KCNIP4: variants seen among roughly 807,000 people sequenced by gnomAD.
KCNIP4 encodes potassium voltage-gated channel interacting protein 4.
In KCNIP4, 12 loss-of-function variants were observed where a neutral mutation model predicts 34.0. The ratio of observed to expected loss-of-function variants is 0.35; its 90% CI spans 0.23 to 0.57. The LOEUF (loss-of-function observed/expected upper bound fraction) is 0.57, where lower values mean the gene tolerates loss of function less well. Ranked by LOEUF, KCNIP4 falls within the 20% of genes least tolerant of loss-of-function variation. KCNIP4 has a pLI of 0.83. For missense variants in KCNIP4, 238 were observed against 311.7 expected, an observed-to-expected ratio of 0.76 and a Z score of 1.78; for synonymous variants, 124 against 102.2, an observed-to-expected ratio of 1.21 and a Z score of -1.29.
chr4:21,445,123 G>A (rs1050559776), intron 1 of KCNIP4, among the ~76,000 whole-genome samples: 24 of 152,308 alleles, frequency 1.6e-4, no homozygotes, highest in African/African-American at 5.8e-4. Context: ...TGAAATAAAA[G>A]AGGATACAAA....
At chr4:21,348,779 CTT>C (rs1032592263) in intron 1 of KCNIP4, among the ~76,000 whole-genome samples, 3 of 152,150 alleles carry the variant, frequency 2.0e-5, no homozygotes, top group Admixed American at 1.3e-4. Flanking sequence ...ATCCTAGAGA[CTT>C]TTACCATCTG....
At chr4:21,748,224 T>G (rs996909026) in intron 1 of KCNIP4, among the ~76,000 whole-genome samples, 1 of 152,056 alleles carries the variant, frequency 6.6e-6, no homozygotes, top group Non-Finnish European at 1.5e-5. Context: ...GGCAGAAGGG[T>G]GTGGTGGAAA....
At chr4:20,745,462 A>G (rs1020091166) in intron 5 of KCNIP4, among the ~76,000 whole-genome samples, 3 of 152,202 alleles carry the variant, frequency 2.0e-5, no homozygotes, top group Non-Finnish European at 2.9e-5. Context: ...AATGTGGCTT[A>G]TAAGACTTTT....
rs578136947 is a variant in KCNIP4 at position 21,812,135 on chromosome 4, G to A, written c.61+136436C>T. 2.0e-4 allele frequency among the ~76,000 whole-genome samples: 31 copies of A among 152,158 alleles called. No individual in the cohort carries two copies. The South Asian group carries it at 5.2e-3, about 26-fold the overall frequency. Reference sequence around the variant, plus strand: ...TATTTTCCAGAAAATAAAAATTAACGCATCTAGTTCTACAAAAAGAGGCTA... The same window carrying A: ...TATTTTCCAGAAAATAAAAATTAACACATCTAGTTCTACAAAAAGAGGCTA... On this transcript the variant is annotated intron_variant, in intron 1 of 8. Coordinates refer to ENST00000382152, the MANE Select transcript of KCNIP4 (RefSeq NM_025221.6).
At chr4:21,037,781 G>T (rs902490049) in intron 1 of KCNIP4, among the ~76,000 whole-genome samples, 5 of 151,954 alleles carry the variant, frequency 3.3e-5, no homozygotes, top group Non-Finnish European at 7.4e-5. Context: ...GGCAGAAAAA[G>T]GTCTCGCAAA....
chr4:21,430,341 A>G (rs750324591), intron 1 of KCNIP4, among the ~76,000 whole-genome samples: 11 of 151,972 alleles, frequency 7.2e-5, no homozygotes, highest in Non-Finnish European at 1.2e-4. Context: ...AGGTAAAAAG[A>G]AGAAACTCTC....
At chr4:20,959,066 C>T (rs773014495) in intron 1 of KCNIP4, among the ~76,000 whole-genome samples, 3 of 152,148 alleles carry the variant, frequency 2.0e-5, no homozygotes, top group Non-Finnish European at 4.4e-5. Flanking sequence ...GTTCCATTTA[C>T]TGCCTGCTGG....
At chr4:20,911,162 A>G (rs1411256459) in intron 1 of KCNIP4, among the ~76,000 whole-genome samples, 1 of 152,174 alleles carries the variant, frequency 6.6e-6, no homozygotes, top group Non-Finnish European at 1.5e-5. Context: ...CTTCTTACTA[A>G]ACAAGGAAAT....
At chr4:21,776,249 G>A (rs1301376894) in intron 1 of KCNIP4, among the ~76,000 whole-genome samples, 1 of 152,182 alleles carries the variant, frequency 6.6e-6, no homozygotes, top group African/African-American at 2.4e-5. Flanking sequence ...TTCTCTCCAA[G>A]AGTCACACCA....
chr4:20,976,583 T>C (rs951123669), intron 1 of KCNIP4, among the ~76,000 whole-genome samples: 9 of 152,178 alleles, frequency 5.9e-5, no homozygotes, highest in African/African-American at 2.2e-4. Flanking sequence ...ATCTGTCTGC[T>C]TTATAGCCTA....
chr4:21,237,066 T>C (rs936211876), intron 1 of KCNIP4, among the ~76,000 whole-genome samples: 1 of 151,414 alleles, frequency 6.6e-6, no homozygotes, highest in African/African-American at 2.4e-5. Context: ...ATTACAGCCC[T>C]TTGTCCTTCA....
chr4:20,822,690 T>C (rs1421488938), intron 3 of KCNIP4, among the ~76,000 whole-genome samples: 3 of 152,128 alleles, frequency 2.0e-5, no homozygotes, highest in Admixed American at 6.5e-5. Context: ...AAAGAAACAA[T>C]GCATTTCGCA....
chr4:21,642,201 C>A (rs949812443), intron 1 of KCNIP4, among the ~76,000 whole-genome samples: 2 of 152,120 alleles, frequency 1.3e-5, no homozygotes, highest in African/African-American at 4.8e-5. Flanking sequence ...AATTCATAGG[C>A]CTTATCATAT....
At chr4:21,208,338 A>G (rs1331362330) in intron 1 of KCNIP4, among the ~76,000 whole-genome samples, 1 of 152,164 alleles carries the variant, frequency 6.6e-6, no homozygotes, top group Non-Finnish European at 1.5e-5. Flanking sequence ...CAATGTCACT[A>G]GACTACTCTT....
At chr4:21,337,977 T>C (rs1716342613) in intron 1 of KCNIP4, among the ~76,000 whole-genome samples, 1 of 152,174 alleles carries the variant, frequency 6.6e-6, no homozygotes, top group Non-Finnish European at 1.5e-5. Context: ...AGACCGGCTC[T>C]ATGGTATCGC....
At chr4:21,573,138 A>G (rs1203720363) in intron 1 of KCNIP4, among the ~76,000 whole-genome samples, 5 of 152,190 alleles carry the variant, frequency 3.3e-5, no homozygotes, top group Non-Finnish European at 7.3e-5. Flanking sequence ...TGGTCATAGC[A>G]TTAGCGGTAG....
chr4:21,935,294 T>C (rs563109021), intron 1 of KCNIP4, among the ~76,000 whole-genome samples: 1 of 152,116 alleles, frequency 6.6e-6, no homozygotes, highest in African/African-American at 2.4e-5. Context: ...TAATCTTTCA[T>C]TTACATCAGA....
intron 1 of KCNIP4, among the ~76,000 whole-genome samples, chr4:20,927,205 T>C (rs571938549): frequency 3.9e-5 from 6 of 152,096 alleles, no homozygotes; most frequent in Non-Finnish European, 8.8e-5. Flanking sequence ...TCTTGAACTC[T>C]TGAACTCGTG....
chr4:20,737,724 AG>A (rs1345708424), intron 5 of KCNIP4, among the ~76,000 whole-genome samples: 22 of 152,330 alleles, frequency 1.4e-4, no homozygotes, highest in African/African-American at 5.3e-4. Flanking sequence ...AATTAGAGAA[AG>A]GGAGACCTCC....
Sources: allele counts gnomAD v4.1 joint callset (sites outside exome capture counted in the v4.1 genomes callset), GRCh38; gene constraint gnomAD v4.1.1; transcripts MANE v1.5; gene names NCBI Gene and HGNC (gene_info 2026-07-23, HGNC 2026-07-21).